Variants in TXNDC16 observed in about 807,000 individuals in gnomAD.
The protein encoded by TXNDC16 is thioredoxin domain containing 16.
In TXNDC16, 74 loss-of-function variants were observed where a neutral mutation model predicts 85.6. The observed-to-expected ratio is 0.86, with a 90% CI of 0.72 to 1.05. The LOEUF (loss-of-function observed/expected upper bound fraction) is 1.05. TXNDC16 is among the 50% of genes least tolerant of loss of function. TXNDC16 has a pLI of 0.00. For missense variants in TXNDC16, 959 were observed against 947.0 expected (o/e 1.01, Z -0.17); for synonymous variants, 335 against 326.5 (o/e 1.03, Z -0.28).
At chr14:52,465,597 A>T (rs1044106884) in intron 16 of TXNDC16, among the ~76,000 whole-genome samples, 8 of 151,950 alleles carry the variant, frequency 5.3e-5, no homozygotes, top group African/African-American at 1.9e-4. Flanking sequence ...ATCTCAAAAA[A>T]AAAAAAAAAA....
intron 9 of TXNDC16, among the ~76,000 whole-genome samples, chr14:52,491,730 G>A (rs1026976112): frequency 2.0e-5 from 3 of 152,052 alleles, no homozygotes; most frequent in African/African-American, 7.2e-5. Flanking sequence ...CTGAGTTAAA[G>A]TAGCAAATTA....
rs140872533 is a variant in TXNDC16 at position 52,440,172 on chromosome 14, T to C, written c.2003+392A>G. 3.9e-5 allele frequency among the ~76,000 whole-genome samples: 6 copies of C among 152,344 alleles called. No homozygotes were observed. The East Asian group carries it at 1.2e-3, about 29-fold the overall frequency. ...TTAAATGTAACACAATCCATACATCTAGAAAACATACTAGGAAATATTGCT... is the reference window on the plus strand; with the variant it reads ...TTAAATGTAACACAATCCATACATCCAGAAAACATACTAGGAAATATTGCT... On this transcript the variant is annotated intron_variant, in intron 19 of 20. Transcript: ENST00000281741.
intron 6 of TXNDC16, among the ~76,000 whole-genome samples, chr14:52,530,570 A>AATAAT (rs2037542631): frequency 1.4e-5 from 1 of 72,266 alleles, no homozygotes; most frequent in Non-Finnish European, 2.5e-5. Flanking sequence ...TATATATAAT[A>AATAAT]ATATATAATT....
intron 4 of TXNDC16, among the ~76,000 whole-genome samples, chr14:52,542,015 A>T (rs2037841436): frequency 6.6e-6 from 1 of 152,218 alleles, no homozygotes; most frequent in African/African-American, 2.4e-5. Flanking sequence ...ATAAAAATTT[A>T]AAAACAGCTG....
At position 52,513,191 on chromosome 14, in the gene TXNDC16, G is replaced by A. The variant is rs1293425749; in HGVS notation, c.605+1689C>T. Among the ~76,000 whole-genome samples the A allele has an allele frequency of 3.3e-5, 5 of 152,196 alleles. No homozygotes were observed. In the East Asian group the frequency reaches 5.8e-4, roughly 18 times the overall value. On this transcript the variant is annotated intron_variant, in intron 8 of 20. Coordinates refer to ENST00000281741, the MANE Select transcript of TXNDC16 (RefSeq NM_020784.3). Reference sequence around the variant, plus strand: ...TAACAAATAATTTCAAACACACTCAGATCCAATATGATATAGCAATTAATA... The same window carrying A: ...TAACAAATAATTTCAAACACACTCAAATCCAATATGATATAGCAATTAATA...
rs1036763586 is a variant in TXNDC16, at chr14:52,446,863, C to T, written c.1843-6139G>A. Among the ~76,000 whole-genome samples, 6 of 152,214 alleles carry T rather than the reference C, an allele frequency of 3.9e-5. No homozygotes were observed. The East Asian group carries it at 1.2e-3, about 29-fold the overall frequency. ...GCTACCTCTATGGGAAAGACCTAGT[C>T]CTGGCAGCATTTATCAACTGCTAAG... is the stretch of plus-strand genomic sequence containing the variant. On this transcript the variant is annotated intron_variant, in intron 18 of 20. Transcript: ENST00000281741.
intron 9 of TXNDC16, among the ~76,000 whole-genome samples, chr14:52,509,830 A>G (rs904328931): frequency 6.6e-6 from 1 of 151,942 alleles, no homozygotes; most frequent in African/African-American, 2.4e-5. Flanking sequence ...ATACAAAAAA[A>G]TTAGCCAGGT....
chr14:52,445,800 C>T (rs980622437), intron 18 of TXNDC16, among the ~76,000 whole-genome samples: 8 of 152,208 alleles, frequency 5.3e-5, no homozygotes, highest in African/African-American at 1.7e-4. Context: ...TACCTTACAG[C>T]GTAGGTACGT....
intron 4 of TXNDC16, among the ~76,000 whole-genome samples, chr14:52,538,441 T>A (rs1302453813): frequency 1.3e-5 from 2 of 152,032 alleles, no homozygotes; most frequent in African/African-American, 4.8e-5. Flanking sequence ...GGCAACAACA[T>A]GAAGATAAAC....
At chr14:52,550,881 A>G (rs1477711419) in intron 1 of TXNDC16, among the ~76,000 whole-genome samples, 1 of 152,208 alleles carries the variant, frequency 6.6e-6, no homozygotes, top group Non-Finnish European at 1.5e-5. Context: ...CCTGTCTCCT[A>G]TTTGAAGAGA....
intron 20 of TXNDC16, among the ~76,000 whole-genome samples, chr14:52,434,627 TG>T (rs2140097207): frequency 1.3e-5 from 2 of 152,284 alleles, no homozygotes; most frequent in African/African-American, 4.8e-5. Context: ...ATAAGTAAGG[TG>T]AGGCAGACAC....
intron 6 of TXNDC16, among the ~76,000 whole-genome samples, chr14:52,531,048 C>T (rs563640248): frequency 3.6e-4 from 54 of 152,058 alleles, no homozygotes; most frequent in Non-Finnish European, 6.3e-4. Context: ...CATAGATAGA[C>T]AGATGGAAAA....
chr14:52,508,180 A>G (rs898389039), intron 9 of TXNDC16, among the ~76,000 whole-genome samples: 1 of 152,210 alleles, frequency 6.6e-6, no homozygotes, highest in Non-Finnish European at 1.5e-5. Flanking sequence ...ACAAAGGGCT[A>G]ATATCCAGAA....
At chr14:52,499,519 G>A (rs1202373389) in intron 9 of TXNDC16, among the ~76,000 whole-genome samples, 4 of 151,654 alleles carry the variant, frequency 2.6e-5, no homozygotes, top group Non-Finnish European at 4.4e-5. Context: ...CCAAGCATAT[G>A]AGACGATACT....
At chr14:52,491,687 T>C (rs1451120549) in intron 9 of TXNDC16, among the ~76,000 whole-genome samples, 4 of 152,232 alleles carry the variant, frequency 2.6e-5, no homozygotes, top group Non-Finnish European at 4.4e-5. Context: ...GAATTTAACA[T>C]ATAATGACAC....
rs375965296 is a variant in TXNDC16 at position 52,455,347 on chromosome 14, T to C, written c.1819A>G (p.Thr607Ala). ...THAQDIVQII[T>A]DALLEMFPEI... ...ACAAACATTTCCAGTAGTGCATCTG[T>C]TATTATTTGAACTATGTCTTGTGCA... The change falls in exon 18 of 21, where the codon ACA (threonine) becomes GCA (alanine). Residue 607 changes from threonine (T) to alanine (A), a missense_variant. Transcript: ENST00000281741. The C allele has an allele frequency of 8.1e-6, 13 of 1,613,698 alleles. No homozygotes were observed. The highest frequency in any genetic ancestry group is 1.1e-5 in the Non-Finnish European group (13 of 1,179,850).
At chr14:52,435,549 TTTAA>T (rs765523458) in intron 20 of TXNDC16, among the ~76,000 whole-genome samples, 3 of 152,148 alleles carry the variant, frequency 2.0e-5, no homozygotes, top group Non-Finnish European at 2.9e-5. Context: ...AAATATTGAA[TTTAA>T]TTAATTAATT....
Position 52,455,306 on chromosome 14 carries a change from A to AT in TXNDC16, c.1842+17dup. On this transcript the variant is annotated intron_variant, in intron 18 of 20. Transcript: ENST00000281741. ...AGATTTTATTTCAAGTATCACCCTTATTATAAAACATACTCACAAACATTT... is the reference window on the plus strand; with the variant it reads ...AGATTTTATTTCAAGTATCACCCTTATTTATAAAACATACTCACAAACATTT... 1 of 1,612,724 alleles carries AT rather than the reference A, an allele frequency of 6.2e-7. No individual in the cohort carries two copies. Among genetic ancestry groups the AT allele is most frequent in the South Asian group, 1.1e-5 (1 of 90,786 alleles).
rs1594678088 is a variant in TXNDC16, at chr14:52,439,079, G to A, written c.2194+125C>T. On this transcript the variant is annotated intron_variant, in intron 20 of 20. Coordinates refer to ENST00000281741, the MANE Select transcript of TXNDC16 (RefSeq NM_020784.3). Reference sequence around the variant, plus strand: ...ACCTTTGGCCTCCCAGTCAGAGACTGTCCACATGGATGATGCTACCAGCAT... The same window carrying A: ...ACCTTTGGCCTCCCAGTCAGAGACTATCCACATGGATGATGCTACCAGCAT... 9 of 1,023,078 alleles carry A rather than the reference G, an allele frequency of 8.8e-6. No individual in the cohort carries two copies. In the East Asian group the frequency reaches 1.3e-4, roughly 15 times the overall value. The allele number at this position is 1,023,078 out of a possible 1,614,324, so 63.4% of individuals were successfully genotyped here.
Sources: gnomAD v4.1 joint callset for allele counts (sites outside exome capture counted in the v4.1 genomes callset) on GRCh38, gnomAD v4.1.1 for gene constraint, MANE v1.5 for transcripts, NCBI Gene and HGNC (gene_info 2026-07-23, HGNC 2026-07-21) for gene names.